Variants in PTPRN2 observed in about 807,000 individuals in gnomAD.
PTPRN2 encodes protein tyrosine phosphatase receptor type N2, also known as receptor-type tyrosine-protein phosphatase N2.
In PTPRN2, 74 loss-of-function variants were observed where a neutral mutation model predicts 118.8. The observed-to-expected ratio is 0.62, with a 90% CI of 0.52 to 0.76. The LOEUF (loss-of-function observed/expected upper bound fraction) is 0.76, where lower values mean the gene tolerates loss of function less well. Among genes scored for constraint, PTPRN2 ranks in the 30% least tolerant of loss-of-function variants. The pLI is 0.00. For missense variants in PTPRN2, 1,481 were observed against 1,394.4 expected, an observed-to-expected ratio of 1.06 and a Z score of -0.99; for synonymous variants, 641 against 608.0, an observed-to-expected ratio of 1.05 and a Z score of -0.80.
chr7:158,410,959 A>G (rs1656557862), intron 2 of PTPRN2, among the ~76,000 whole-genome samples: 1 of 151,758 alleles, frequency 6.6e-6, no homozygotes, highest in African/African-American at 2.4e-5. Context: ...AGGGTACACA[A>G]GCACCCAGGT....
chr7:158,321,336 C>T (rs1019470250), intron 2 of PTPRN2, among the ~76,000 whole-genome samples: 1 of 152,190 alleles, frequency 6.6e-6, no homozygotes, highest in Admixed American at 6.5e-5. Context: ...CCTTCGTGTT[C>T]TTGGGACACA....
chr7:157,938,263 T>C (rs889505793), intron 11 of PTPRN2, among the ~76,000 whole-genome samples: 8 of 152,232 alleles, frequency 5.3e-5, no homozygotes, highest in Non-Finnish European at 1.2e-4. Flanking sequence ...AAATTACATC[T>C]GAACTGCAGT....
intron 16 of PTPRN2, among the ~76,000 whole-genome samples, chr7:157,600,370 G>A (rs1166842532): frequency 1.3e-5 from 2 of 152,210 alleles, no homozygotes; most frequent in Non-Finnish European, 2.9e-5. Flanking sequence ...CAAATACTAA[G>A]GCTTAATATG....
chr7:157,625,424 T>C (rs1305518880), intron 14 of PTPRN2, among the ~76,000 whole-genome samples: 2 of 152,172 alleles, frequency 1.3e-5, no homozygotes, highest in African/African-American at 2.4e-5. Context: ...ATTAACAGCA[T>C]TTGCAGTGAC....
intron 10 of PTPRN2, among the ~76,000 whole-genome samples, chr7:158,109,038 T>A (rs1001385143): frequency 6.7e-6 from 1 of 148,852 alleles, no homozygotes; most frequent in Non-Finnish European, 1.5e-5. Flanking sequence ...AGACAGTGAA[T>A]GAATGACATC....
At chr7:158,541,429 C>T (rs1409235584) in intron 1 of PTPRN2, 5 of 1,347,940 alleles carry the variant, frequency 3.7e-6, no homozygotes, top group Non-Finnish European at 4.9e-6. Context: ...CGGTTACCTG[C>T]CCACATCTGC....
rs1399061749 is a variant in PTPRN2, at chr7:158,133,563, T to C, written c.1556+114A>G. On this transcript the variant is annotated intron_variant, in intron 9 of 22. Coordinates refer to ENST00000389418, the MANE Select transcript of PTPRN2 (RefSeq NM_002847.5). ...GGGATGCCTGCACCCCATTATTCAG[T>C]TGAAGACACTTAAAAGCGTATGCAT... 3.5e-6 allele frequency: 5 copies of C among 1,413,312 alleles called. No individual in the cohort carries two copies. In the African/African-American group the frequency reaches 4.3e-5, roughly 12 times the overall value. 87.5% of individuals were successfully genotyped at this position (1,413,312 alleles called of 1,614,324 possible).
chr7:157,866,804 G>C (rs1449356226), intron 12 of PTPRN2, among the ~76,000 whole-genome samples: 2 of 32,812 alleles, frequency 6.1e-5, no homozygotes, highest in African/African-American at 1.3e-4. Flanking sequence ...CCCCGCCCCC[G>C]ACGCCCTGGA....
chr7:157,576,558 C>G, intron 19 of PTPRN2, 55 bp downstream of exon 19: 2 of 1,511,590 alleles, frequency 1.3e-6, no homozygotes, highest in South Asian at 2.5e-5. Context: ...AAGCCTCGCT[C>G]CCCTGTGCCG....
chr7:158,005,648 G>A (rs941451754), intron 11 of PTPRN2, among the ~76,000 whole-genome samples: 5 of 152,148 alleles, frequency 3.3e-5, no homozygotes, highest in African/African-American at 1.2e-4. Flanking sequence ...GGAGGTGCAG[G>A]GCAGGAAGCA....
intron 11 of PTPRN2, among the ~76,000 whole-genome samples, chr7:157,922,393 TCAGTCCTG>T (rs1201624433): frequency 2.0e-5 from 3 of 152,206 alleles, no homozygotes; most frequent in African/African-American, 7.2e-5. Flanking sequence ...GGTCTGGGTC[TCAGTCCTG>T]CAGTCCTGCA....
At chr7:157,602,736 G>A (rs1324311511) in intron 16 of PTPRN2, among the ~76,000 whole-genome samples, 2 of 152,146 alleles carry the variant, frequency 1.3e-5, no homozygotes, top group Non-Finnish European at 2.9e-5. Flanking sequence ...CACCATCAGT[G>A]GCTGCTGAGA....
chr7:158,150,707 T>C (rs538726786), intron 6 of PTPRN2, among the ~76,000 whole-genome samples: 2 of 151,944 alleles, frequency 1.3e-5, no homozygotes, highest in African/African-American at 4.8e-5. Flanking sequence ...GAGGGAAGAA[T>C]GTGGGTGATC....
intron 2 of PTPRN2, among the ~76,000 whole-genome samples, chr7:158,421,136 G>A (rs1815210847): frequency 6.6e-6 from 1 of 152,154 alleles, no homozygotes; most frequent in African/African-American, 2.4e-5. Context: ...TCCAGGCTTT[G>A]GAATCGAGGG....
intron 1 of PTPRN2, among the ~76,000 whole-genome samples, chr7:158,534,346 G>C (rs955448308): frequency 2.7e-5 from 4 of 150,920 alleles, no homozygotes; most frequent in Admixed American, 1.3e-4. Context: ...TGTGGGTGCA[G>C]GTTGTGGCCA....
intron 10 of PTPRN2, among the ~76,000 whole-genome samples, chr7:158,101,190 A>G (rs749531542): frequency 6.6e-6 from 1 of 152,236 alleles, no homozygotes; most frequent in Non-Finnish European, 1.5e-5. Flanking sequence ...GACCAATGGA[A>G]CAGAATAGAG....
At chr7:157,670,959 A>C (rs1796380096) in intron 13 of PTPRN2, among the ~76,000 whole-genome samples, 1 of 152,140 alleles carries the variant, frequency 6.6e-6, no homozygotes. Context: ...CTTTTTGCTC[A>C]GAATAAGGGC....
Position 158,382,429 on chromosome 7 carries a change from T to C in PTPRN2, c.164-65497A>G, listed in dbSNP as rs548478369. ...ACTGTTCTCCTCCCCACTCCCCTCTTCTCTCCTCAGAAAGTCGCCATGAAG... is the reference window on the plus strand; with the variant it reads ...ACTGTTCTCCTCCCCACTCCCCTCTCCTCTCCTCAGAAAGTCGCCATGAAG... On this transcript the variant is annotated intron_variant, in intron 2 of 22. Transcript: ENST00000389418. Among the ~76,000 whole-genome samples, 16 of 152,262 alleles carry C rather than the reference T, an allele frequency of 1.1e-4. No individual in the cohort carries two copies. In the South Asian group the frequency reaches 1.9e-3, roughly 18 times the overall value.
rs113953085 is a variant in PTPRN2, at chr7:158,277,315, G to T, written c.277+39504C>A. Among the ~76,000 whole-genome samples, 1,216 of 152,302 alleles carry T rather than the reference G, an allele frequency of 8.0e-3. 16 individuals are homozygous for T. The highest frequency in any genetic ancestry group is 0.027 in the African/African-American group (1,139 of 41,560). ...GTTCGCCATTCGGTCCCACACCTCA[G>T]CCACAACGGGCAGTCAGGGCTTCAG... On this transcript the variant is annotated intron_variant, in intron 3 of 22. Transcript: ENST00000389418.
Sources: allele counts gnomAD v4.1 joint callset (sites outside exome capture counted in the v4.1 genomes callset), GRCh38; gene constraint gnomAD v4.1.1; transcripts MANE v1.5; gene names NCBI Gene and HGNC (gene_info 2026-07-23, HGNC 2026-07-21).